EPHA7: variants seen among roughly 807,000 people sequenced by gnomAD.
EPHA7 encodes ephrin type-A receptor 7.
In EPHA7, 25 loss-of-function variants were observed where a neutral mutation model predicts 112.6. The ratio of observed to expected loss-of-function variants is 0.22; its 90% CI spans 0.16 to 0.31. The LOEUF is 0.31. EPHA7 is among the 10% of genes least tolerant of loss of function. The pLI, the probability that EPHA7 is intolerant of heterozygous loss-of-function variation, is 1.00. For missense variants in EPHA7, 962 were observed against 1,212.6 expected (o/e 0.79, Z 3.07); for synonymous variants, 437 against 406.5 (o/e 1.07, Z -0.90).
intron 3 of EPHA7, among the ~76,000 whole-genome samples, chr6:93,392,066 GCTCT>G (rs1440393139): frequency 6.6e-6 from 1 of 151,890 alleles, no homozygotes; most frequent in Non-Finnish European, 1.5e-5. Flanking sequence ...ACATTCTCCT[GCTCT>G]ACAGAATAAC....
intron 9 of EPHA7, among the ~76,000 whole-genome samples, chr6:93,260,117 C>A (rs1296664174): frequency 6.6e-6 from 1 of 151,746 alleles, no homozygotes; most frequent in Non-Finnish European, 1.5e-5. Flanking sequence ...ATACAAAATG[C>A]AGAGTAAAGT....
chr6:93,336,859 T>C (rs1774904114), intron 5 of EPHA7, among the ~76,000 whole-genome samples: 1 of 150,484 alleles, frequency 6.6e-6, no homozygotes, highest in South Asian at 2.1e-4. Flanking sequence ...AGTGGAGTAA[T>C]ATAAATTGGA....
At chr6:93,297,051 ATGT>A (rs141941011) in intron 5 of EPHA7, among the ~76,000 whole-genome samples, 13,175 of 152,004 alleles carry the variant, frequency 0.087, 773 homozygotes, top group Non-Finnish European at 0.13. Context: ...CCACAACATC[ATGT>A]TGTATAACTT....
chr6:93,311,112 C>CTTTTTTTTTTTT (rs1434719790), intron 5 of EPHA7, among the ~76,000 whole-genome samples: 1 of 71,028 alleles, frequency 1.4e-5, no homozygotes, highest in African/African-American at 6.7e-5. Context: ...TCATGCCCAG[C>CTTTTTTTTTTTT]TATTTTTTTT....
In EPHA7 at chr6:93,254,504, GTAAT is replaced by G. The variant is rs1770350337; in HGVS notation, c.2532+139_2532+142del. The G allele has an allele frequency of 1.4e-5, 7 of 487,370 alleles. No individual in the cohort carries two copies. In the East Asian group the frequency reaches 2.4e-4, roughly 16 times the overall value. 30.2% of individuals were successfully genotyped at this position (487,370 alleles called of 1,614,324 possible). ...AAATTAGTAGAACCACTAATTTATG[GTAAT>G]TAGTGTGGTAGTAATTGTGGAAAAC... On this transcript the variant is annotated intron_variant, in intron 14 of 16. Transcript: ENST00000369303.
chr6:93,326,922 T>G (rs1774350792), intron 5 of EPHA7, among the ~76,000 whole-genome samples: 1 of 151,632 alleles, frequency 6.6e-6, no homozygotes, highest in Non-Finnish European at 1.5e-5. Flanking sequence ...TTCTCCAACT[T>G]AGCCAAACCC....
At chr6:93,414,459 T>C (rs1195686013) in intron 2 of EPHA7, among the ~76,000 whole-genome samples, 3 of 151,882 alleles carry the variant, frequency 2.0e-5, no homozygotes, top group Non-Finnish European at 4.4e-5. Flanking sequence ...TGAGGTATGA[T>C]TCCACACAAT....
At chr6:93,296,124 T>G (rs974247996) in intron 5 of EPHA7, among the ~76,000 whole-genome samples, 1 of 151,662 alleles carries the variant, frequency 6.6e-6, no homozygotes. Context: ...ATATAAAACC[T>G]TATATATTAC....
intron 3 of EPHA7, among the ~76,000 whole-genome samples, chr6:93,394,984 G>A (rs1778096558): frequency 6.6e-6 from 1 of 151,448 alleles, no homozygotes; most frequent in Non-Finnish European, 1.5e-5. Context: ...TTTATGTACA[G>A]CATTTTTCTT....
intron 3 of EPHA7, among the ~76,000 whole-genome samples, chr6:93,394,796 C>T (rs553663621): frequency 1.3e-5 from 2 of 151,796 alleles, no homozygotes; most frequent in East Asian, 3.9e-4. Flanking sequence ...GGAAATCTAC[C>T]GTGTCAGATA....
intron 3 of EPHA7, among the ~76,000 whole-genome samples, chr6:93,387,962 G>GATAGATAGATAA (rs1562146908): frequency 4.7e-4 from 72 of 151,786 alleles, no homozygotes; most frequent in African/African-American, 1.7e-3. Flanking sequence ...TAGATAGATA[G>GATAGATAGATAA]ATAGATAGAT....
intron 3 of EPHA7, among the ~76,000 whole-genome samples, chr6:93,408,370 T>G (rs1475505551): frequency 6.6e-6 from 1 of 152,082 alleles, no homozygotes; most frequent in Non-Finnish European, 1.5e-5. Context: ...GAACGCTGCC[T>G]TTCATTGAAT....
intron 1 of EPHA7, among the ~76,000 whole-genome samples, chr6:93,414,998 A>G (rs140592982): frequency 2.0e-5 from 3 of 152,166 alleles, no homozygotes; most frequent in African/African-American, 7.2e-5. Context: ...TTTAATTACA[A>G]TATTAAATCT....
rs746495128 is a variant in EPHA7, at chr6:93,254,760, C to A, written c.2419G>T (p.Ala807Ser). 1.2e-6 allele frequency: 2 copies of A among 1,612,888 alleles called. No individual in the cohort carries two copies. Among genetic ancestry groups the A allele is most frequent in the South Asian group, 2.2e-5 (2 of 90,930 alleles). Residue 807 changes from alanine to serine, a missense_variant, in exon 14 of 17, where the codon GCC becomes TCC. Transcript: ENST00000369303. Reference sequence around the variant, plus strand: ...GATGTGAATTTCCGGTACTGGATGGCTTCGGGTGCTGTCCACCTTACTGGA... The same window carrying A: ...GATGTGAATTTCCGGTACTGGATGGATTCGGGTGCTGTCCACCTTACTGGA... ...KIPVRWTAPEAIQYRKFTSAS... is the reference protein window; with the variant it reads ...KIPVRWTAPESIQYRKFTSAS...
At chr6:93,287,634 G>A (rs1229800558) in intron 5 of EPHA7, among the ~76,000 whole-genome samples, 2 of 151,258 alleles carry the variant, frequency 1.3e-5, no homozygotes, top group Non-Finnish European at 2.9e-5. Flanking sequence ...TCATCACCAA[G>A]ATATTAAGCC....
At chr6:93,350,195 C>T (rs562586660) in intron 5 of EPHA7, among the ~76,000 whole-genome samples, 3 of 152,048 alleles carry the variant, frequency 2.0e-5, no homozygotes, top group African/African-American at 7.2e-5. Flanking sequence ...TTTAGCAATG[C>T]TATCCCACAA....
Position 93,247,130 on chromosome 6 carries a change from T to C in EPHA7, c.2533-145A>G, listed in dbSNP as rs1000963033. On this transcript the variant is annotated intron_variant, in intron 14 of 16. Transcript: ENST00000369303. The stretch of plus-strand genomic sequence containing the variant: ...ACTTACTTTTTTCCCAAAATTTCCA[T>C]GAATATTAAGCATGTTATTAAGGAG... 20 of 706,548 alleles carry C rather than the reference T, an allele frequency of 2.8e-5. No homozygotes were observed. The African/African-American group carries it at 3.6e-4, about 13-fold the overall frequency. 43.8% of individuals were successfully genotyped at this position (706,548 alleles called of 1,614,324 possible).
chr6:93,272,033 A>G (rs1282973793), intron 6 of EPHA7, among the ~76,000 whole-genome samples: 6 of 151,850 alleles, frequency 4.0e-5, no homozygotes, highest in Non-Finnish European at 7.4e-5. Context: ...TTACTACAAT[A>G]TCAGAAATTG....
intron 1 of EPHA7, among the ~76,000 whole-genome samples, chr6:93,416,330 T>G (rs1412575530): frequency 6.6e-6 from 1 of 152,176 alleles, no homozygotes; most frequent in Non-Finnish European, 1.5e-5. Context: ...TTCTTAATTT[T>G]TATTTTATTT....
Sources: allele counts gnomAD v4.1 joint callset (sites outside exome capture counted in the v4.1 genomes callset), GRCh38; gene constraint gnomAD v4.1.1; transcripts MANE v1.5; gene names NCBI Gene and HGNC (gene_info 2026-07-23, HGNC 2026-07-21).